ARHGAP26: variants seen among roughly 807,000 people sequenced by gnomAD.
The protein encoded by ARHGAP26 is Rho GTPase activating protein 26.
In ARHGAP26, 38 loss-of-function variants were observed where a neutral mutation model predicts 104.8. That is an observed-to-expected ratio of 0.36 (90% CI 0.28 to 0.48). The LOEUF (loss-of-function observed/expected upper bound fraction) is 0.48. ARHGAP26 is among the 20% of genes least tolerant of loss of function. ARHGAP26 has a pLI of 0.99. For missense variants in ARHGAP26, 704 were observed against 947.9 expected, an observed-to-expected ratio of 0.74 and a Z score of 3.38; for synonymous variants, 341 against 340.0, an observed-to-expected ratio of 1.00 and a Z score of -0.03.
intron 11 of ARHGAP26, among the ~76,000 whole-genome samples, chr5:142,992,586 C>G (rs1468445741): frequency 6.6e-6 from 1 of 151,916 alleles, no homozygotes; most frequent in African/African-American, 2.4e-5. Flanking sequence ...CGCCACCATG[C>G]CCGGCTAATT....
intron 1 of ARHGAP26, among the ~76,000 whole-genome samples, chr5:142,773,028 C>T (rs998608145): frequency 2.0e-5 from 3 of 151,810 alleles, no homozygotes; most frequent in Non-Finnish European, 2.9e-5. Flanking sequence ...GTTCTCTCTA[C>T]GTCCAGCTCT....
At chr5:143,013,673 G>C (rs1779191829) in intron 11 of ARHGAP26, among the ~76,000 whole-genome samples, 1 of 152,192 alleles carries the variant, frequency 6.6e-6, no homozygotes. Flanking sequence ...GATAATAACA[G>C]CTCCTGCCCA....
intron 20 of ARHGAP26, among the ~76,000 whole-genome samples, chr5:143,175,162 T>A (rs1803295918): frequency 6.6e-6 from 1 of 152,224 alleles, no homozygotes; most frequent in African/African-American, 2.4e-5. Context: ...CTCTTACTTT[T>A]TGGTGCTTCA....
rs550646424 is a variant in ARHGAP26 at position 143,129,630 on chromosome 5, G to A, written c.1699-4337G>A. 2.0e-5 allele frequency among the ~76,000 whole-genome samples: 3 copies of A among 152,276 alleles called. No individual in the cohort carries two copies. In the East Asian group the frequency reaches 5.8e-4, roughly 29 times the overall value. ...CTTGGACAAATCAGTGAATCTCAAG[G>A]AGTCTCAGTTTTCTCATCTCAAGAG... On this transcript the variant is annotated intron_variant, in intron 18 of 22. Coordinates refer to ENST00000645722, the MANE Select transcript of ARHGAP26 (RefSeq NM_001135608.3).
chr5:143,086,357 G>T (rs888473310), intron 17 of ARHGAP26, among the ~76,000 whole-genome samples: 1 of 150,298 alleles, frequency 6.7e-6, no homozygotes, highest in Non-Finnish European at 1.5e-5. Flanking sequence ...TTTATTTTTA[G>T]AGTCTTATAC....
intron 12 of ARHGAP26, among the ~76,000 whole-genome samples, chr5:143,033,146 G>C (rs918548560): frequency 6.6e-6 from 1 of 152,194 alleles, no homozygotes; most frequent in Admixed American, 6.5e-5. Flanking sequence ...GTATCCATTT[G>C]AACTTAGACA....
chr5:142,848,587 C>T (rs1341895566), intron 1 of ARHGAP26, among the ~76,000 whole-genome samples: 2 of 152,096 alleles, frequency 1.3e-5, no homozygotes, highest in South Asian at 4.1e-4. Context: ...GTGTGAACAT[C>T]ATAGTTGTGT....
chr5:142,911,924 A>G (rs1422991981), intron 9 of ARHGAP26, among the ~76,000 whole-genome samples: 1 of 152,270 alleles, frequency 6.6e-6, no homozygotes, highest in Non-Finnish European at 1.5e-5. Context: ...GCCTGTGAAT[A>G]TAAACTGTCT....
chr5:142,784,885 A>G (rs924171819), intron 1 of ARHGAP26, among the ~76,000 whole-genome samples: 3 of 146,730 alleles, frequency 2.0e-5, no homozygotes, highest in Non-Finnish European at 4.5e-5. Context: ...CATTCTTTCC[A>G]TCCCTACCTC....
At chr5:142,937,115 A>T (rs1479144004) in intron 11 of ARHGAP26, among the ~76,000 whole-genome samples, 2 of 152,160 alleles carry the variant, frequency 1.3e-5, no homozygotes, top group African/African-American at 4.8e-5. Context: ...ATTTGCAAAA[A>T]CATATATCCG....
chr5:142,819,146 A>C (rs570951544), intron 1 of ARHGAP26, among the ~76,000 whole-genome samples: 1 of 152,172 alleles, frequency 6.6e-6, no homozygotes, highest in Non-Finnish European at 1.5e-5. Flanking sequence ...ACTTGCCTCT[A>C]TGGACTGGTT....
At chr5:143,112,164 C>G (rs1438551002) in intron 17 of ARHGAP26, among the ~76,000 whole-genome samples, 1 of 152,078 alleles carries the variant, frequency 6.6e-6, no homozygotes, top group African/African-American at 2.4e-5. Flanking sequence ...CAGTAAGTAC[C>G]AGAAAAGAGA....
chr5:143,007,101 A>T (rs1161521166), intron 11 of ARHGAP26, among the ~76,000 whole-genome samples: 1 of 150,434 alleles, frequency 6.6e-6, no homozygotes, highest in Non-Finnish European at 1.5e-5. Context: ...CTCAGGAGAC[A>T]GGTGAATCGC....
intron 17 of ARHGAP26, among the ~76,000 whole-genome samples, chr5:143,103,822 T>G (rs913097048): frequency 6.6e-6 from 1 of 151,992 alleles, no homozygotes; most frequent in African/African-American, 2.4e-5. Context: ...GAGGATAACC[T>G]TGGGAGAAAT....
intron 10 of ARHGAP26, among the ~76,000 whole-genome samples, chr5:142,913,794 A>T (rs1762142196): frequency 6.6e-6 from 1 of 152,238 alleles, no homozygotes; most frequent in Non-Finnish European, 1.5e-5. Context: ...CCCAGGAAAG[A>T]CACCAAACCA....
At chr5:143,030,192 C>T (rs536129737) in intron 12 of ARHGAP26, among the ~76,000 whole-genome samples, 25 of 152,150 alleles carry the variant, frequency 1.6e-4, no homozygotes, top group Non-Finnish European at 2.8e-4. Flanking sequence ...GCTCTTGAGC[C>T]TGAGGAATCA....
intron 17 of ARHGAP26, among the ~76,000 whole-genome samples, chr5:143,087,350 G>C (rs545589580): frequency 6.6e-6 from 1 of 152,312 alleles, no homozygotes; most frequent in African/African-American, 2.4e-5. Context: ...ACTATAAAAG[G>C]ATGAGTATCT....
chr5:142,777,049 C>T (rs1279046800), intron 1 of ARHGAP26, among the ~76,000 whole-genome samples: 3 of 152,130 alleles, frequency 2.0e-5, no homozygotes, highest in Non-Finnish European at 4.4e-5. Context: ...TGTTTGTTGG[C>T]CATTGGTGCG....
chr5:143,092,881 C>G lies in ARHGAP26; in HGVS notation c.1539-28107C>G, dbSNP rs569139990. On this transcript the variant is annotated intron_variant, in intron 17 of 22. Coordinates refer to ENST00000645722, the MANE Select transcript of ARHGAP26 (RefSeq NM_001135608.3). Reference sequence around the variant, plus strand: ...CAATTATTAGGCAATTTTCCTAACTCTGCTTCTTCAAGAGTTTCCTTATCA... The same window carrying G: ...CAATTATTAGGCAATTTTCCTAACTGTGCTTCTTCAAGAGTTTCCTTATCA... Among the ~76,000 whole-genome samples, 14 of 152,034 alleles carry G rather than the reference C, an allele frequency of 9.2e-5. No individual in the cohort carries two copies. The South Asian group carries it at 2.7e-3, about 29-fold the overall frequency.
Sources: gnomAD v4.1 joint callset for allele counts (sites outside exome capture counted in the v4.1 genomes callset) on GRCh38, gnomAD v4.1.1 for gene constraint, MANE v1.5 for transcripts, NCBI Gene and HGNC (gene_info 2026-07-23, HGNC 2026-07-21) for gene names.